The following CEP295 variants were observed in gnomAD, a reference collection of about 807,000 sequenced individuals.
CEP295 encodes the protein centrosomal protein of 295 kDa.
In CEP295, 190 loss-of-function variants were observed where a neutral mutation model predicts 291.6. That is an observed-to-expected ratio of 0.65 (90% CI 0.58 to 0.73). The LOEUF is 0.73. Ranked by LOEUF, CEP295 falls within the 30% of genes least tolerant of loss-of-function variation. CEP295 has a pLI of 0.00. For synonymous variants in CEP295, 993 were observed against 1,038.8 expected (o/e 0.96, Z 0.85); for missense variants, 2,863 against 2,949.4 (o/e 0.97, Z 0.68).
In CEP295 at chr11:93,698,183, G is replaced by T. The variant is rs923599845; in HGVS notation, c.3271G>T (p.Asp1091Tyr). Residue 1091 changes from aspartate (D) to tyrosine (Y), a missense_variant, in exon 15 of 30, where the codon GAC becomes TAC. Physicochemically the swap from Asp to Tyr is radical, Grantham distance 160. This residue lies in a region of CEP295 where 2,295 missense variants were observed against 2,335.7 expected (regional missense o/e 0.98). Coordinates refer to ENST00000325212, the MANE Select transcript of CEP295 (RefSeq NM_033395.2). ...LLLHRQRDLG[D>Y]SKSGLVSSSS... Reference sequence around the variant, plus strand: ...TTTACATAGACAAAGAGATTTGGGGGACAGTAAGTCTGGGCTGGTGAGCTC... The same window carrying T: ...TTTACATAGACAAAGAGATTTGGGGTACAGTAAGTCTGGGCTGGTGAGCTC... The T allele has an allele frequency of 4.5e-6, 7 of 1,552,036 alleles. No individual in the cohort carries two copies. The highest frequency in any genetic ancestry group is 1.4e-5 in the African/African-American group (1 of 73,166).
At chr11:93,675,137 T>C (rs148520931) in intron 5 of CEP295, among the ~76,000 whole-genome samples, 23 of 152,312 alleles carry the variant, frequency 1.5e-4, no homozygotes, top group Non-Finnish European at 3.2e-4. Flanking sequence ...TCATTAAACA[T>C]TGAGAAAATA....
intron 20 of CEP295, 87 bp from the exon 21 acceptor site, chr11:93,722,954 C>A: frequency 9.8e-7 from 1 of 1,023,612 alleles, no homozygotes; most frequent in Non-Finnish European, 1.4e-6. Flanking sequence ...GTGATCCACC[C>A]ACCTCGGCCT....
chr11:93,679,362 C>T (rs1317953755), intron 6 of CEP295, 50 bp from the exon 7 acceptor site: 2 of 1,491,154 alleles, frequency 1.3e-6, no homozygotes, highest in South Asian at 2.6e-5. Context: ...TTAGTTACTG[C>T]TTGTCTCACA....
At chr11:93,730,016 G>A in intron 28 of CEP295, 33 bp from the exon 29 acceptor site, 1 of 1,484,064 alleles carries the variant, frequency 6.7e-7, no homozygotes, top group Non-Finnish European at 9.0e-7. Flanking sequence ...TTTTTGCAGT[G>A]TTTGTCTCTA....
intron 26 of CEP295, 36 bp from the exon 27 acceptor site, chr11:93,729,578 G>A (rs1396070732): frequency 6.5e-7 from 1 of 1,548,484 alleles, no homozygotes; most frequent in African/African-American, 1.4e-5. Context: ...TAGATACTTT[G>A]CCTATTTCTG....
chr11:93,703,603 A>T (rs1952318369), intron 17 of CEP295, among the ~76,000 whole-genome samples: 5 of 144,528 alleles, frequency 3.5e-5, no homozygotes, highest in African/African-American at 7.7e-5. Flanking sequence ...TTCCTTTGTC[A>T]CTTTCTACTT....
At chr11:93,684,211 G>A in intron 9 of CEP295, 83 bp downstream of exon 9, 1 of 1,222,160 alleles carries the variant, frequency 8.2e-7, no homozygotes. Flanking sequence ...AGGAAAATCT[G>A]GTCTGATATA....
In CEP295 at chr11:93,699,602, C is replaced by T. The variant is rs1464928700; in HGVS notation, c.4690C>T (p.Gln1564Ter). 1.9e-6 allele frequency: 3 copies of T among 1,551,684 alleles called. No homozygotes were observed. The highest frequency in any genetic ancestry group is 2.6e-6 in the Non-Finnish European group (3 of 1,147,104). The change falls in exon 15 of 30, where the codon CAG becomes TAG. Residue 1564 changes from glutamine to a stop codon, truncating the protein, a stop_gained. Transcript: ENST00000325212. LOFTEE classifies it high-confidence loss of function. Reference protein sequence around the residue: ...QVPVADSERTQKSFPTKSNDT... With the variant: ...QVPVADSERT ...GCCTGTTGCTGACTCTGAAAGAACC[C>T]AGAAGTCTTTCCCAACCAAAAGTAA... is the stretch of plus-strand genomic sequence containing the variant.
intron 22 of CEP295, 143 bp downstream of exon 22, chr11:93,724,518 G>C (rs188845691): frequency 3.6e-6 from 3 of 834,440 alleles, no homozygotes; most frequent in East Asian, 2.8e-5. Flanking sequence ...TGTAATCCCA[G>C]CACTTTGAGA....
rs1178432955 is a variant in CEP295 at position 93,696,339 on chromosome 11, C to T, written c.1691C>T (p.Ser564Leu). 1.3e-6 allele frequency: 2 copies of T among 1,548,896 alleles called. No homozygotes were observed. The highest frequency in any genetic ancestry group is 3.9e-5 in the Admixed American group (2 of 50,816). Reference protein sequence around the residue: ...QPTGVGIAPASCPVISDEDSH... With the variant: ...QPTGVGIAPALCPVISDEDSH... ...TATTAGGTTGGCATTGCTCCAGCAT[C>T]ATGCCCTGTAATTTCTGATGAAGAT... Residue 564 changes from serine to leucine, a missense_variant, in exon 14 of 30, where the codon TCA becomes TTA. Around this residue, in one of 3 missense-constraint regions of CEP295, gnomAD observed 2,295 missense variants for 2,335.7 expected, o/e 0.98. Transcript: ENST00000325212.
chr11:93,667,931 T>C, intron 3 of CEP295, 124 bp downstream of exon 3: 1 of 667,274 alleles, frequency 1.5e-6, no homozygotes, highest in Non-Finnish European at 2.5e-6. Flanking sequence ...CAGCTTGAAC[T>C]TTTTTATAAA....
intron 18 of CEP295, among the ~76,000 whole-genome samples, chr11:93,711,321 G>T (rs1952881439): frequency 6.6e-6 from 1 of 152,074 alleles, no homozygotes; most frequent in African/African-American, 2.4e-5. Context: ...TTTGTTTCAA[G>T]AAATTTTCAG....
intron 7 of CEP295, 130 bp from the exon 8 acceptor site, chr11:93,683,429 G>T: frequency 1.6e-6 from 1 of 639,422 alleles, no homozygotes; most frequent in Non-Finnish European, 2.6e-6. Flanking sequence ...TCTGTCTTTT[G>T]GCTGAACAAA....
At chr11:93,675,688 CA>C in intron 6 of CEP295, 22 bp downstream of exon 6, 1 of 1,143,240 alleles carries the variant, frequency 8.7e-7, no homozygotes, top group Non-Finnish European at 1.2e-6. Flanking sequence ...ATTGTTTCTT[CA>C]TGCCCTCGCT....
chr11:93,716,652 G>A (rs12295009), intron 18 of CEP295, among the ~76,000 whole-genome samples: 9 of 152,210 alleles, frequency 5.9e-5, no homozygotes, highest in African/African-American at 2.2e-4. Context: ...TTCACAAAAG[G>A]GGGTGGGCTA....
intron 18 of CEP295, among the ~76,000 whole-genome samples, chr11:93,715,257 T>TCCA (rs1309352416): frequency 6.6e-6 from 1 of 152,128 alleles, no homozygotes; most frequent in Non-Finnish European, 1.5e-5. Flanking sequence ...TCTCCCCTTG[T>TCCA]CCACCACCAC....
At chr11:93,677,189 A>C (rs1950736090) in intron 6 of CEP295, among the ~76,000 whole-genome samples, 1 of 152,154 alleles carries the variant, frequency 6.6e-6, no homozygotes, top group East Asian at 1.9e-4. Flanking sequence ...CACTCAACTT[A>C]TATCACATGC....
chr11:93,701,945 T>TTTG lies in CEP295; in HGVS notation c.5275-494_5275-492dup, dbSNP rs201375647. Among the ~76,000 whole-genome samples the TTTG allele has an allele frequency of 1.9e-3, 289 of 150,410 alleles. 1 individual carries two copies. The highest frequency in any genetic ancestry group is 6.1e-3 in the African/African-American group (251 of 40,872). On this transcript the variant is annotated intron_variant, in intron 15 of 29. Transcript: ENST00000325212. The stretch of plus-strand genomic sequence containing the variant: ...TCCAAGGCTGTGAATGGTTGTTGTT[T>TTTG]TTGTTGTTGTTGTTGTTGTTGTTTG...
At chr11:93,692,938 A>G (rs1951643211) in intron 12 of CEP295, among the ~76,000 whole-genome samples, 2 of 141,586 alleles carry the variant, frequency 1.4e-5, no homozygotes, top group African/African-American at 5.4e-5. Flanking sequence ...ACACCACTGC[A>G]CTCCAGCCTG....
Sources: allele counts gnomAD v4.1 joint callset (sites outside exome capture counted in the v4.1 genomes callset), GRCh38; gene constraint gnomAD v4.1.1; regional missense constraint gnomAD v4.1.1; transcripts MANE v1.5; gene names NCBI Gene and HGNC (gene_info 2026-07-23, HGNC 2026-07-21).